ARHGEF7: variants seen among roughly 807,000 people sequenced by gnomAD.
ARHGEF7 encodes Rho guanine nucleotide exchange factor 7, also known as PAK-interacting exchange factor beta.
In ARHGEF7, 33 loss-of-function variants were observed where a neutral mutation model predicts 109.8. That is an observed-to-expected ratio of 0.30 (90% CI 0.23 to 0.40). ARHGEF7 has a LOEUF of 0.40. Ranked by LOEUF, ARHGEF7 falls within the 10% of genes least tolerant of loss-of-function variation. ARHGEF7 has a pLI of 1.00. For synonymous variants in ARHGEF7, 458 were observed against 424.6 expected, an observed-to-expected ratio of 1.08 and a Z score of -0.97; for missense variants, 938 against 1,098.5, an observed-to-expected ratio of 0.85 and a Z score of 2.07.
chr13:111,245,007 G>C (rs1595122113), intron 8 of ARHGEF7, among the ~76,000 whole-genome samples: 2 of 152,310 alleles, frequency 1.3e-5, no homozygotes, highest in Admixed American at 1.3e-4. Context: ...GAGGTCAGGT[G>C]AATATGGCAG....
At chr13:111,181,940 A>G (rs1276284746) in intron 2 of ARHGEF7, among the ~76,000 whole-genome samples, 1 of 152,216 alleles carries the variant, frequency 6.6e-6, no homozygotes, top group Non-Finnish European at 1.5e-5. Flanking sequence ...TGAACCAACA[A>G]AGCGTTGTGG....
At chr13:111,301,558 T>G (rs536882747) in intron 21 of ARHGEF7, 26 bp downstream of exon 21, 1 of 1,540,976 alleles carries the variant, frequency 6.5e-7, no homozygotes, top group South Asian at 1.2e-5. Flanking sequence ...TCTTTAAATC[T>G]TTTTTTTCTT....
Position 111,131,422 on chromosome 13 carries a change from C to T in ARHGEF7, c.165+15731C>T, listed in dbSNP as rs1018620274. ...GGAATGGATTCAGGGTTGGGTGTGT[C>T]GTTGGAGGCATCCGCATAGAGCTGT... On this transcript the variant is annotated intron_variant, in intron 1 of 21. Transcript: ENST00000646102. The surrounding 1 kb of genome is among the most constrained non-coding windows in gnomAD (Gnocchi z 4.4). Among the ~76,000 whole-genome samples, 2 of 152,020 alleles carry T rather than the reference C, an allele frequency of 1.3e-5. No homozygotes were observed. The highest frequency in any genetic ancestry group is 2.1e-4 in the South Asian group (1 of 4,808).
chr13:111,254,616 T>TTCCGTTTGGGGTTG (rs1308318094), intron 8 of ARHGEF7, among the ~76,000 whole-genome samples: 1 of 144,560 alleles, frequency 6.9e-6, no homozygotes, highest in Non-Finnish European at 1.5e-5. Context: ...AGGCGCTGAG[T>TTCCGTTTGGGGTTG]CGCTAACGTG....
chr13:111,115,757 C>A, intron 1 of ARHGEF7, 66 bp downstream of exon 1: 2 of 979,304 alleles, frequency 2.0e-6, no homozygotes, highest in Non-Finnish European at 2.5e-6. Flanking sequence ...GGGATGCGCG[C>A]GGAGCACCTG....
intron 4 of ARHGEF7, among the ~76,000 whole-genome samples, chr13:111,214,030 T>C (rs1246145484): frequency 6.6e-6 from 1 of 152,168 alleles, no homozygotes. Context: ...TGCTGAAGAA[T>C]GGAGGTATGT....
Position 111,164,614 on chromosome 13 carries a change from G to A in ARHGEF7, c.252+10623G>A, listed in dbSNP as rs574033962. On this transcript the variant is annotated intron_variant, in intron 2 of 21. Coordinates refer to ENST00000646102, the MANE Select transcript of ARHGEF7 (RefSeq NM_001354046.2). ...ATTGAGTACTTGGTCTAGCCTGCTG[G>A]TATTGTTCTTAGAGGTCTGTGATCA... is the stretch of plus-strand genomic sequence containing the variant. Among the ~76,000 whole-genome samples, 9 of 152,346 alleles carry A rather than the reference G, an allele frequency of 5.9e-5. No individual in the cohort carries two copies. In the South Asian group the frequency reaches 1.5e-3, roughly 25 times the overall value.
intron 5 of ARHGEF7, among the ~76,000 whole-genome samples, chr13:111,221,255 C>A (rs74194662): frequency 1.8e-3 from 68 of 38,228 alleles, no homozygotes; most frequent in South Asian, 5.1e-3. Context: ...CTATATATAT[C>A]TATATAGATA....
intron 17 of ARHGEF7, 54 bp downstream of exon 17, chr13:111,286,294 C>A: frequency 7.0e-7 from 1 of 1,430,392 alleles, no homozygotes; most frequent in Non-Finnish European, 9.8e-7. Context: ...TCACGTAGGC[C>A]ATGGCTTTCC....
chr13:111,295,248 G>A, intron 19 of ARHGEF7: 1 of 977,156 alleles, frequency 1.0e-6, no homozygotes, highest in Non-Finnish European at 1.2e-6. Flanking sequence ...AGTTTGCAGT[G>A]TAATATAATT....
intron 12 of ARHGEF7, 21 bp downstream of exon 12, chr13:111,275,699 G>T: frequency 1.2e-6 from 2 of 1,613,818 alleles, no homozygotes; most frequent in Non-Finnish European, 1.7e-6. Flanking sequence ...CCACATGCAC[G>T]CACCAGGGTT....
intron 12 of ARHGEF7, chr13:111,276,008 A>G (rs2092457853): frequency 3.4e-6 from 1 of 293,398 alleles, no homozygotes; most frequent in South Asian, 3.8e-5. Context: ...TTATCTGGCC[A>G]GCAACTTTGT....
At chr13:111,158,846 C>G (rs2076539315) in intron 2 of ARHGEF7, among the ~76,000 whole-genome samples, 1 of 152,190 alleles carries the variant, frequency 6.6e-6, no homozygotes, top group Non-Finnish European at 1.5e-5. Flanking sequence ...CGTTACCTCA[C>G]ATACTTCTTA....
At chr13:111,221,542 GATAC>G (rs1252404255) in intron 5 of ARHGEF7, among the ~76,000 whole-genome samples, 7 of 55,348 alleles carry the variant, frequency 1.3e-4, no homozygotes, top group African/African-American at 4.7e-4. Flanking sequence ...TCTATATATA[GATAC>G]ATATCTATAT....
intron 2 of ARHGEF7, among the ~76,000 whole-genome samples, chr13:111,172,292 A>G (rs1594256533): frequency 6.6e-6 from 1 of 152,120 alleles, no homozygotes; most frequent in East Asian, 1.9e-4. Flanking sequence ...TATTCTCTTA[A>G]TATCCCTAAA....
chr13:111,145,231 T>C lies in ARHGEF7; in HGVS notation c.166-8674T>C, dbSNP rs72670017. On this transcript the variant is annotated intron_variant, in intron 1 of 21. Coordinates refer to ENST00000646102, the MANE Select transcript of ARHGEF7 (RefSeq NM_001354046.2). The surrounding 1 kb of genome is among the most constrained non-coding windows in gnomAD (Gnocchi z 4.3). ...AATCTGTCCTCTAGATTGTTTCCAA[T>C]CGTTTGCCATTACATTGTGTTCTAA... is the stretch of plus-strand genomic sequence containing the variant. 0.1 allele frequency among the ~76,000 whole-genome samples: 15,763 copies of C among 152,166 alleles called. 1,016 individuals carry two copies. Among genetic ancestry groups the C allele is most frequent in the Admixed American group, 0.22 (3,419 of 15,290 alleles).
At chr13:111,256,182 A>G (rs1317616685) in intron 8 of ARHGEF7, among the ~76,000 whole-genome samples, 4 of 152,234 alleles carry the variant, frequency 2.6e-5, no homozygotes, top group Non-Finnish European at 5.9e-5. Flanking sequence ...AGGAGGCGGT[A>G]GCTACGGCAT....
At chr13:111,202,236 G>A (rs1249785676) in intron 2 of ARHGEF7, among the ~76,000 whole-genome samples, 1 of 152,214 alleles carries the variant, frequency 6.6e-6, no homozygotes, top group Non-Finnish European at 1.5e-5. Context: ...CAGGAAGTGT[G>A]CCTGTGCTGG....
chr13:111,171,727 G>GAAAAACAAA (rs2077611764), intron 2 of ARHGEF7, among the ~76,000 whole-genome samples: 4 of 152,210 alleles, frequency 2.6e-5, no homozygotes, highest in Admixed American at 2.6e-4. Context: ...GCTCTTCTGT[G>GAAAAACAAA]GCTGCCATGG....
Sources: allele counts gnomAD v4.1 joint callset (sites outside exome capture counted in the v4.1 genomes callset), GRCh38; gene constraint gnomAD v4.1.1; non-coding constraint Gnocchi (gnomAD v3.1); transcripts MANE v1.5; gene names NCBI Gene and HGNC (gene_info 2026-07-23, HGNC 2026-07-21).